ATF7: variants seen among roughly 807,000 people sequenced by gnomAD.
ATF7 encodes cyclic AMP-dependent transcription factor ATF-7.
ATF7 carries 10 observed loss-of-function variants against 50.4 expected under a neutral mutation model. That is an observed-to-expected ratio of 0.20 (90% CI 0.12 to 0.34). The LOEUF is 0.34. Ranked by LOEUF, ATF7 falls within the 10% of genes least tolerant of loss-of-function variation. The pLI is 1.00. For synonymous variants in ATF7, 201 were observed against 226.4 expected, an observed-to-expected ratio of 0.89 and a Z score of 1.01; for missense variants, 465 against 613.9, an observed-to-expected ratio of 0.76 and a Z score of 2.56.
At chr12:53,531,447 C>T (rs563961562) in intron 9 of ATF7, among the ~76,000 whole-genome samples, 8 of 149,432 alleles carry the variant, frequency 5.4e-5, no homozygotes, top group East Asian at 3.9e-4. Flanking sequence ...AAAGCGAGGC[C>T]GCTGCTGCAA....
chr12:53,570,755 GTGTGTGTGTGTGTGTGTGTGTA>G (rs1941705208), intron 2 of ATF7, among the ~76,000 whole-genome samples: 2 of 151,656 alleles, frequency 1.3e-5, no homozygotes, highest in South Asian at 4.2e-4. Context: ...GTGTGTGTGT[GTGTGTGTGTGTGTGTGTGTGTA>G]TGTCCAATTT....
rs1413904015 is a variant in ATF7, at chr12:53,533,272, T to G, written c.561-13A>C. ...GCCAGTGGGAGACCTAGAGGAGACA[T>G]GAAGTGAAATGCTCATAACACAGAC... is the stretch of plus-strand genomic sequence containing the variant. On this transcript the variant is annotated splice_polypyrimidine_tract_variant and intron_variant, in intron 6 of 11. Transcript: ENST00000420353. 10 of 1,579,672 alleles carry G rather than the reference T, an allele frequency of 6.3e-6. No homozygotes were observed. Among genetic ancestry groups the G allele is most frequent in the Non-Finnish European group, 4.4e-6 (5 of 1,149,122 alleles).
rs1360682275 is a variant in ATF7 at position 53,512,546 on chromosome 12, G to A, written c.*4591C>T. The A allele has an allele frequency of 6.6e-6, 1 of 152,214 alleles. No individual in the cohort carries two copies. 9.4% of individuals were successfully genotyped at this position (152,214 alleles called of 1,614,324 possible). A position where few individuals can be genotyped will look rare whatever the true frequency, so the allele number is the denominator to read the frequency against. ...GGGGCTGGAAGCTCATCTCCTCCCT[G>A]CCTGAAAGGTGTGTGTGTTGTAGGG... On this transcript the variant is annotated 3_prime_UTR_variant, in exon 12 of 12. Transcript: ENST00000420353.
chr12:53,550,335 T>A (rs11170594), intron 3 of ATF7, among the ~76,000 whole-genome samples: 15,418 of 108,138 alleles, frequency 0.14, 1,011 homozygotes, highest in African/African-American at 0.17. Flanking sequence ...AAAAAAAAAA[T>A]AAATAAATAA....
chr12:53,610,359 G>A (rs1943810993), intron 1 of ATF7, among the ~76,000 whole-genome samples: 1 of 151,814 alleles, frequency 6.6e-6, no homozygotes, highest in Non-Finnish European at 1.5e-5. Flanking sequence ...CAGGCCAGAC[G>A]TTGAAGACCA....
chr12:53,606,018 T>C (rs1943587494), intron 1 of ATF7, among the ~76,000 whole-genome samples: 1 of 152,250 alleles, frequency 6.6e-6, no homozygotes, highest in South Asian at 2.1e-4. Flanking sequence ...GACTATGTTA[T>C]GCCTAAGGCA....
At chr12:53,619,500 A>G (rs1403049373) in intron 1 of ATF7, among the ~76,000 whole-genome samples, 12 of 150,570 alleles carry the variant, frequency 8.0e-5, no homozygotes, top group African/African-American at 2.9e-4. Flanking sequence ...AAAAAAAAAA[A>G]AAAGAAAAAA....
intron 9 of ATF7, among the ~76,000 whole-genome samples, chr12:53,527,814 A>G (rs1418094843): frequency 6.6e-6 from 1 of 152,022 alleles, no homozygotes; most frequent in Non-Finnish European, 1.5e-5. Context: ...GCCCTACTGA[A>G]TTATATTCTC....
chr12:53,573,740 C>T (rs1187801570), intron 2 of ATF7, among the ~76,000 whole-genome samples: 1 of 152,142 alleles, frequency 6.6e-6, no homozygotes, highest in Non-Finnish European at 1.5e-5. Flanking sequence ...AAGGCCTGCC[C>T]TCAGGAGAAA....
rs574455776 is a variant in ATF7 at position 53,521,215 on chromosome 12, C to T, written c.1234+2061G>A. Among the ~76,000 whole-genome samples the T allele has an allele frequency of 3.3e-5, 5 of 152,254 alleles. No individual in the cohort carries two copies. In the South Asian group the frequency reaches 1.0e-3, roughly 32 times the overall value. On this transcript the variant is annotated intron_variant, in intron 11 of 11. Transcript: ENST00000420353. ...CCATGTTAGCCAGGCTGGTCTCGAA[C>T]TCTCGACCTCAGGTGATACGCCTGC...
In ATF7 at chr12:53,579,515, G is replaced by A. The variant is rs1409225159; in HGVS notation, c.48+21438C>T. Among the ~76,000 whole-genome samples, 5 of 148,792 alleles carry A rather than the reference G, an allele frequency of 3.4e-5. No homozygotes were observed. The East Asian group carries it at 7.8e-4, about 23-fold the overall frequency. On this transcript the variant is annotated intron_variant, in intron 2 of 11. Transcript: ENST00000420353. ...TGCTGTGAGCTGAGATCGTGCCACT[G>A]CACTCCACCCTGGGAGACAGTGCGA... is the stretch of plus-strand genomic sequence containing the variant.
At chr12:53,605,538 C>T (rs1943568529) in intron 1 of ATF7, among the ~76,000 whole-genome samples, 1 of 152,104 alleles carries the variant, frequency 6.6e-6, no homozygotes, top group Non-Finnish European at 1.5e-5. Context: ...GTGCCATATG[C>T]CCTAGGCCCA....
chr12:53,621,613 C>T (rs910619657), intron 1 of ATF7, among the ~76,000 whole-genome samples: 2 of 151,186 alleles, frequency 1.3e-5, no homozygotes, highest in East Asian at 1.9e-4. Context: ...GAAACCCCGT[C>T]TCTTCTAAAA....
At chr12:53,560,704 A>G (rs1207426999) in intron 2 of ATF7, among the ~76,000 whole-genome samples, 2 of 152,196 alleles carry the variant, frequency 1.3e-5, no homozygotes, top group Non-Finnish European at 2.9e-5. Context: ...GTTTTAGAAG[A>G]GTAGACTGGG....
intron 4 of ATF7, among the ~76,000 whole-genome samples, chr12:53,540,584 G>A (rs1331476159): frequency 6.6e-6 from 1 of 151,734 alleles, no homozygotes; most frequent in East Asian, 1.9e-4. Flanking sequence ...AAATTAGCCA[G>A]GCGTCGTGGC....
At chr12:53,561,219 T>C (rs1941082935) in intron 2 of ATF7, among the ~76,000 whole-genome samples, 1 of 151,664 alleles carries the variant, frequency 6.6e-6, no homozygotes, top group South Asian at 2.1e-4. Context: ...TGGGTTTATC[T>C]GCACCCATAT....
intron 7 of ATF7, 111 bp downstream of exon 7, chr12:53,533,049 A>G: frequency 1.0e-6 from 1 of 962,414 alleles, no homozygotes; most frequent in Non-Finnish European, 1.6e-6. Context: ...CTCAGCTAAT[A>G]TAGATCAGAG....
chr12:53,620,575 C>CAAAAAAAAAA (rs34516346), intron 1 of ATF7, among the ~76,000 whole-genome samples: 23 of 75,758 alleles, frequency 3.0e-4, no homozygotes, highest in East Asian at 9.1e-4. Context: ...GACTCCGTCT[C>CAAAAAAAAAA]AAAAAAAAAA....
chr12:53,532,590 G>C lies in ATF7; in HGVS notation c.694C>G (p.Pro232Ala). Residue 232 changes from proline to alanine, a missense_variant, in exon 8 of 12, where the codon CCT (proline) becomes GCT (alanine). Pro to Ala is a conservative substitution (Grantham distance 27, BLOSUM62 -1). Transcript: ENST00000420353. ...ARPVSMVPNI[P>A]GIPGPPVNSS... ...TTAACTGGTGGGCCAGGGATACCAG[G>C]AATGTTGGGCACCATGGACACAGGT... The C allele has an allele frequency of 6.2e-7, 1 of 1,608,844 alleles. No individual in the cohort carries two copies. The highest frequency in any genetic ancestry group is 8.5e-7 in the Non-Finnish European group (1 of 1,177,864).
Sources: gnomAD v4.1 joint callset for allele counts (sites outside exome capture counted in the v4.1 genomes callset) on GRCh38, gnomAD v4.1.1 for gene constraint, MANE v1.5 for transcripts, NCBI Gene and HGNC (gene_info 2026-07-23, HGNC 2026-07-21) for gene names.